Variants in PIK3R6 observed in about 807,000 individuals in gnomAD.
PIK3R6 encodes the protein phosphoinositide 3-kinase regulatory subunit 6.
PIK3R6 carries 91 observed loss-of-function variants against 84.9 expected under a neutral mutation model. That is an observed-to-expected ratio of 1.07 (90% CI 0.90 to 1.28). The LOEUF (loss-of-function observed/expected upper bound fraction) is 1.28, where lower values mean the gene tolerates loss of function less well. Ranked by LOEUF, PIK3R6 falls within the 50% of genes most tolerant of loss-of-function variation. The pLI is 0.00. For synonymous variants in PIK3R6, 416 were observed against 411.4 expected, an observed-to-expected ratio of 1.01 and a Z score of -0.13; for missense variants, 996 against 985.1, an observed-to-expected ratio of 1.01 and a Z score of -0.15.
chr17:8,849,687 G>T (rs7218411), intron 2 of PIK3R6, 95 bp downstream of exon 2: 205,304 of 1,363,748 alleles, frequency 0.15, 16,565 homozygotes, highest in African/African-American at 0.19. Flanking sequence ...ATGTGCAGGG[G>T]GTCCTGCCAG....
At chr17:8,856,348 T>C (rs1010331361) in intron 1 of PIK3R6, among the ~76,000 whole-genome samples, 1 of 152,218 alleles carries the variant, frequency 6.6e-6, no homozygotes, top group Non-Finnish European at 1.5e-5. Flanking sequence ...ACGCCTATAA[T>C]CCCAACACTT....
rs773148715 is a variant in PIK3R6 at position 8,836,815 on chromosome 17, G to GC, written c.366dup (p.Leu123AlafsTer25). 113 of 1,605,188 alleles carry GC rather than the reference G, an allele frequency of 7.0e-5. No homozygotes were observed. In the African/African-American group the frequency reaches 1.4e-3, roughly 20 times the overall value. Reference sequence around the variant, plus strand: ...CCTGGGACAGCCATCTCCGTTTTCAGCCTTATCGCGCAGTCCAAGGCGACT... The same window carrying GC: ...CCTGGGACAGCCATCTCCGTTTTCAGCCCTTATCGCGCAGTCCAAGGCGACT... On this transcript the variant is annotated frameshift_variant, in exon 6 of 20. Coordinates refer to ENST00000619866, the MANE Select transcript of PIK3R6 (RefSeq NM_001010855.4). LOFTEE classifies it high-confidence loss of function.
rs541273171 is a variant in PIK3R6 at position 8,836,936 on chromosome 17, G to C, written c.259-13C>G. The C allele has an allele frequency of 2.3e-5, 36 of 1,539,338 alleles. No individual in the cohort carries two copies. In the South Asian group the frequency reaches 4.1e-4, roughly 17 times the overall value. On this transcript the variant is annotated splice_polypyrimidine_tract_variant and intron_variant, in intron 5 of 19. Transcript: ENST00000619866. ...TGATTCCTGTGGCCTGGGTGAGAGG[G>C]AGGAGGGGGAGGTGAGAGGGAGGAG...
At chr17:8,836,513 G>A (rs2088471220) in intron 7 of PIK3R6, 34 bp downstream of exon 7, 1 of 1,611,082 alleles carries the variant, frequency 6.2e-7, no homozygotes, top group South Asian at 1.1e-5. Context: ...AGTTTTAGGA[G>A]GCTGAAGGTA....
At chr17:8,804,020 G>T (rs776604736) in intron 19 of PIK3R6, 21 bp downstream of exon 19, 1 of 1,596,652 alleles carries the variant, frequency 6.3e-7, no homozygotes, top group Non-Finnish European at 8.6e-7. Context: ...GGACATCTAG[G>T]GTTGGCAGGC....
In PIK3R6 at chr17:8,842,518, C is replaced by G. The variant is rs576672915; in HGVS notation, c.14-2821G>C. ...CCATTTCTGTCACACAAGTGTTTCCCCAAATAAATCCTTGAACTTGGTGTC... is the reference window on the plus strand; with the variant it reads ...CCATTTCTGTCACACAAGTGTTTCCGCAAATAAATCCTTGAACTTGGTGTC... On this transcript the variant is annotated intron_variant, in intron 2 of 19. Coordinates refer to ENST00000619866, the MANE Select transcript of PIK3R6 (RefSeq NM_001010855.4). This position sits in a 1 kb window ranked among gnomAD's most constrained non-coding sequence, Gnocchi z 4.5. 6.6e-6 allele frequency among the ~76,000 whole-genome samples: 1 copy of G among 152,284 alleles called. No homozygotes were observed. Among genetic ancestry groups the G allele is most frequent in the South Asian group, 2.1e-4 (1 of 4,816 alleles).
intron 1 of PIK3R6, among the ~76,000 whole-genome samples, chr17:8,857,867 AC>A (rs1254680646): frequency 6.6e-6 from 1 of 150,866 alleles, no homozygotes; most frequent in Non-Finnish European, 1.5e-5. Context: ...GCCACTGCAC[AC>A]CAGCCTGGGC....
chr17:8,864,618 A>G lies in PIK3R6; in HGVS notation c.-92+2911T>C, dbSNP rs148161300. ...AGTGGCGCAATCTCGTCTCACTGCA[A>G]CCTCTGCCTACTGGGTTCAGGTGAT... On this transcript the variant is annotated intron_variant, in intron 1 of 19. Transcript: ENST00000619866. Among the ~76,000 whole-genome samples, 78 of 138,692 alleles carry G rather than the reference A, an allele frequency of 5.6e-4. 1 individual carries two copies. The East Asian group carries it at 0.012, about 22-fold the overall frequency. The allele number at this position is 138,692 out of a possible 152,430, so 91.0% of individuals were successfully genotyped here.
rs145828738 is a variant in PIK3R6, at chr17:8,814,986, G to C, written c.1995+4097C>G. Among the ~76,000 whole-genome samples the C allele has an allele frequency of 8.1e-3, 1,235 of 152,172 alleles. 17 individuals are homozygous for C. Among genetic ancestry groups the C allele is most frequent in the African/African-American group, 0.028 (1,154 of 41,516 alleles). On this transcript the variant is annotated intron_variant, in intron 18 of 19. Coordinates refer to ENST00000619866, the MANE Select transcript of PIK3R6 (RefSeq NM_001010855.4). The stretch of plus-strand genomic sequence containing the variant: ...TAAGAAGGCACCATATTATACAACA[G>C]CAGCATCAAAAACTAAAAGAAAGTT...
chr17:8,858,649 T>A (rs1392450962), intron 1 of PIK3R6, among the ~76,000 whole-genome samples: 1 of 152,152 alleles, frequency 6.6e-6, no homozygotes, highest in Non-Finnish European at 1.5e-5. Context: ...AAGCTCATTG[T>A]ATGCACCGTG....
Position 8,803,747 on chromosome 17 carries a change from G to A in PIK3R6, c.2108+294C>T, listed in dbSNP as rs892788391. The A allele has an allele frequency of 1.0e-4, 57 of 556,470 alleles. No individual in the cohort carries two copies. Among genetic ancestry groups the A allele is most frequent in the African/African-American group, 6.6e-4 (35 of 53,106 alleles). 34.5% of individuals were successfully genotyped at this position (556,470 alleles called of 1,614,324 possible). ...AGGTCAGCCTGTGTGGGAGGGGCCC[G>A]TGCCTGCAGAGGGGACTGGATCAGG... On this transcript the variant is annotated intron_variant, in intron 19 of 19. Transcript: ENST00000619866. The surrounding 1 kb of genome is among the most constrained non-coding windows in gnomAD (Gnocchi z 5.0).
At chr17:8,805,009 G>A (rs196449) in intron 18 of PIK3R6, among the ~76,000 whole-genome samples, 42,901 of 152,132 alleles carry the variant, frequency 0.28, 6,475 homozygotes, top group African/African-American at 0.4. Flanking sequence ...GAGTTGTTCA[G>A]TGTCATCTAG....
At chr17:8,849,956 A>G in intron 1 of PIK3R6, 71 bp from the exon 2 acceptor site, 1 of 899,530 alleles carries the variant, frequency 1.1e-6, no homozygotes, top group Non-Finnish European at 1.6e-6. Flanking sequence ...GAAATGGAGA[A>G]GCTCCTAAGG....
At chr17:8,808,326 A>C (rs758852092) in intron 18 of PIK3R6, among the ~76,000 whole-genome samples, 12 of 152,218 alleles carry the variant, frequency 7.9e-5, no homozygotes, top group Non-Finnish European at 1.0e-4. Flanking sequence ...ATATCTGCAT[A>C]TGTGGAACCT....
chr17:8,829,036 G>A (rs777949725), intron 10 of PIK3R6, 46 bp from the exon 11 acceptor site: 1 of 1,472,992 alleles, frequency 6.8e-7, no homozygotes, highest in African/African-American at 1.4e-5. Context: ...AGGCTGGCAG[G>A]GCTACGTTTC....
At position 8,835,366 on chromosome 17, in the gene PIK3R6, T is replaced by C; in HGVS notation, c.552A>G (p.Thr184=). 1 of 1,611,910 alleles carries C rather than the reference T, an allele frequency of 6.2e-7. No homozygotes were observed. The highest frequency in any genetic ancestry group is 1.1e-5 in the South Asian group (1 of 90,798). ...CCACGTGGCGCATGCAGGTCTCTGG[T>C]GTCTGCTGCGCCTGGGCCGCCTCGA... is the stretch of plus-strand genomic sequence containing the variant. ...LEIEAAQAQQ[T]PETCMRHVVS... Residue 184 remains threonine, a synonymous_variant, in exon 8 of 20, where the codon ACA becomes ACG. Coordinates refer to ENST00000619866, the MANE Select transcript of PIK3R6 (RefSeq NM_001010855.4).
intron 2 of PIK3R6, among the ~76,000 whole-genome samples, chr17:8,840,751 T>TTGTGTGTG (rs34161284): frequency 7.6e-4 from 113 of 147,748 alleles, no homozygotes; most frequent in African/African-American, 2.6e-3. Flanking sequence ...ATTATTATTT[T>TTGTGTGTG]TGTGTGTGTG....
In PIK3R6 at chr17:8,822,598, A is replaced by G; in HGVS notation, c.1777T>C (p.Cys593Arg). Residue 593 changes from cysteine (C) to arginine (R), a missense_variant, in exon 16 of 20, where the codon TGC (cysteine) becomes CGC (arginine). Transcript: ENST00000619866. The part of the protein sequence containing the change: ...AEGPGAELSL[C>R]YQKALLSHRP... ...CCATGCACACTGACCTTCTGGTAGC[A>G]TAGGGAGAGCTCTGCCCCTGGGCCC... 1 of 1,613,940 alleles carries G rather than the reference A, an allele frequency of 6.2e-7. No individual in the cohort carries two copies. Among genetic ancestry groups the G allele is most frequent in the Non-Finnish European group, 8.5e-7 (1 of 1,179,856 alleles).
intron 9 of PIK3R6, among the ~76,000 whole-genome samples, chr17:8,831,328 T>TAAAA (rs60650147): frequency 0.21 from 7,100 of 33,046 alleles, 1,524 homozygotes; most frequent in Non-Finnish European, 0.25. Context: ...AGACCCTGTC[T>TAAAA]AAAAAAAAAA....
Sources: allele counts gnomAD v4.1 joint callset (sites outside exome capture counted in the v4.1 genomes callset), GRCh38; gene constraint gnomAD v4.1.1; non-coding constraint Gnocchi (gnomAD v3.1); transcripts MANE v1.5; gene names NCBI Gene and HGNC (gene_info 2026-07-23, HGNC 2026-07-21).